AHI1: variants seen among roughly 807,000 people sequenced by gnomAD.
AHI1 encodes the protein jouberin.
A neutral mutation model predicts 149.3 loss-of-function variants in AHI1; 123 were observed. That is an observed-to-expected ratio of 0.82 (90% CI 0.71 to 0.96). The LOEUF (loss-of-function observed/expected upper bound fraction) is 0.96. Ranked by LOEUF, AHI1 falls within the 40% of genes least tolerant of loss-of-function variation. The pLI, the probability that AHI1 is intolerant of heterozygous loss-of-function variation, is 0.00. For synonymous variants in AHI1, 475 were observed against 459.8 expected, an observed-to-expected ratio of 1.03 and a Z score of -0.42; for missense variants, 1,439 against 1,422.7, an observed-to-expected ratio of 1.01 and a Z score of -0.18.
chr6:135,440,602 A>AT (rs1171526336), intron 14 of AHI1, among the ~76,000 whole-genome samples: 4 of 152,224 alleles, frequency 2.6e-5, no homozygotes, highest in South Asian at 4.1e-4. Context: ...AGAGCTGTAG[A>AT]TTGTGTACCG....
intron 23 of AHI1, among the ~76,000 whole-genome samples, chr6:135,364,656 G>GA (rs1773850433): frequency 6.6e-6 from 1 of 152,092 alleles, no homozygotes; most frequent in African/African-American, 2.4e-5. Flanking sequence ...TCGGGAGGCC[G>GA]AGGCTGGCGG....
At chr6:135,337,194 A>G (rs554594657) in intron 24 of AHI1, among the ~76,000 whole-genome samples, 1 of 152,244 alleles carries the variant, frequency 6.6e-6, no homozygotes, top group East Asian at 1.9e-4. Context: ...GCATTTCTTT[A>G]TTAATAATGA....
intron 24 of AHI1, among the ~76,000 whole-genome samples, chr6:135,328,769 T>C (rs1788096359): frequency 6.6e-6 from 1 of 152,142 alleles, no homozygotes. Context: ...AGAAAGCTGA[T>C]AGAAGCAAAA....
At chr6:135,405,520 T>C (rs1780632855) in intron 21 of AHI1, among the ~76,000 whole-genome samples, 1 of 152,070 alleles carries the variant, frequency 6.6e-6, no homozygotes. Context: ...TAAAAGTCGA[T>C]GTATTATGGA....
chr6:135,435,673 CTT>C (rs1785291185), intron 15 of AHI1, among the ~76,000 whole-genome samples: 2 of 152,228 alleles, frequency 1.3e-5, no homozygotes, highest in Middle Eastern at 3.4e-3. Context: ...TGGGTAAAGT[CTT>C]TTAAAAAATT....
intron 27 of AHI1, among the ~76,000 whole-genome samples, chr6:135,297,139 T>A (rs927264602): frequency 6.6e-6 from 1 of 152,168 alleles, no homozygotes; most frequent in Non-Finnish European, 1.5e-5. Flanking sequence ...TACAGACAAA[T>A]AATGTTTGCT....
At chr6:135,451,560 A>G (rs1282613041) in intron 11 of AHI1, among the ~76,000 whole-genome samples, 1 of 152,164 alleles carries the variant, frequency 6.6e-6, no homozygotes, top group African/African-American at 2.4e-5. Context: ...AAGACAGGTA[A>G]GTGTTAGAAG....
chr6:135,428,539 G>A, intron 19 of AHI1, 90 bp downstream of exon 19: 1 of 1,353,912 alleles, frequency 7.4e-7, no homozygotes, highest in Non-Finnish European at 9.6e-7. Context: ...GAATTTCCTT[G>A]AAAATTATTC....
intron 23 of AHI1, among the ~76,000 whole-genome samples, chr6:135,390,169 G>A (rs1778278650): frequency 6.6e-6 from 1 of 152,140 alleles, no homozygotes; most frequent in African/African-American, 2.4e-5. Flanking sequence ...GGTTGAGTGT[G>A]ATCTTGATTC....
At chr6:135,422,913 A>C (rs886111656) in intron 20 of AHI1, among the ~76,000 whole-genome samples, 2 of 152,114 alleles carry the variant, frequency 1.3e-5, no homozygotes, top group South Asian at 4.1e-4. Flanking sequence ...AGGAATATTT[A>C]GCTACTTTTT....
chr6:135,419,864 T>C (rs987152307), intron 20 of AHI1, among the ~76,000 whole-genome samples: 4 of 152,236 alleles, frequency 2.6e-5, no homozygotes, highest in Admixed American at 2.6e-4. Context: ...ACAGAAATTG[T>C]GTCCTCTCAA....
At chr6:135,439,931 A>C (rs1395498595) in intron 14 of AHI1, among the ~76,000 whole-genome samples, 1 of 152,158 alleles carries the variant, frequency 6.6e-6, no homozygotes, top group Non-Finnish European at 1.5e-5. Context: ...AAGCAACAAG[A>C]ACACTGGCAA....
Position 135,427,217 on chromosome 6 carries a change from C to G in AHI1, c.2714G>C (p.Cys905Ser), listed in dbSNP as rs199879855. Residue 905 changes from cysteine to serine, a missense_variant, in exon 20 of 29, where the codon TGT (cysteine) becomes TCT (serine). Coordinates refer to ENST00000265602, the MANE Select transcript of AHI1 (RefSeq NM_001134831.2). ...AATTGGCTCATTTTGCCCAAATGCA[C>G]AGAATGCAACCATATTTTCAAATGG... ...YHPFENMVAFCAFGQNEPILL... is the reference protein window; with the variant it reads ...YHPFENMVAFSAFGQNEPILL... 2.2e-4 allele frequency: 358 copies of G among 1,610,646 alleles called. No homozygotes were observed. The African/African-American group carries it at 4.5e-3, about 20-fold the overall frequency.
In AHI1 at chr6:135,433,157, T is replaced by C. The variant is rs1179695202; in HGVS notation, c.2136A>G (p.Leu712=). Residue 712 remains leucine, a synonymous_variant, in exon 16 of 29, where the codon CTA becomes CTG. Coordinates refer to ENST00000265602, the MANE Select transcript of AHI1 (RefSeq NM_001134831.2). ...TGGAATCATAGCATCCTGTAACTAC[T>C]AGCTCTCTTACAGCTGGATGGAATT... ...TAKFHPAVRE[L]VVTGCYDSMI... The C allele has an allele frequency of 2.5e-6, 4 of 1,612,746 alleles. No homozygotes were observed. The highest frequency in any genetic ancestry group is 2.2e-5 in the East Asian group (1 of 44,814).
chr6:135,424,505 G>T, intron 20 of AHI1, among the ~76,000 whole-genome samples: 1 of 151,890 alleles, frequency 6.6e-6, no homozygotes, highest in East Asian at 1.9e-4. Context: ...TACATTATTT[G>T]TGGTACTCTG....
At chr6:135,490,417 T>C (rs774782668) in intron 5 of AHI1, 7 of 662,418 alleles carry the variant, frequency 1.1e-5, no homozygotes, top group Admixed American at 2.6e-5. Flanking sequence ...GTTCTTCCTG[T>C]AGGACAGCAC....
intron 4 of AHI1, among the ~76,000 whole-genome samples, chr6:135,491,778 T>C (rs190168437): frequency 2.4e-4 from 37 of 152,324 alleles, no homozygotes; most frequent in African/African-American, 7.7e-4. Flanking sequence ...TAAAGATTTA[T>C]TGAAATCAGA....
intron 11 of AHI1, 70 bp from the exon 12 acceptor site, chr6:135,448,545 A>G (rs1003878369): frequency 2.5e-6 from 3 of 1,191,330 alleles, no homozygotes; most frequent in Non-Finnish European, 3.4e-6. Flanking sequence ...GCAATAGCAT[A>G]AAGTCAGAAA....
At chr6:135,465,526 T>C (rs1363067111) in intron 7 of AHI1, among the ~76,000 whole-genome samples, 1 of 152,196 alleles carries the variant, frequency 6.6e-6, no homozygotes, top group Non-Finnish European at 1.5e-5. Context: ...GGGACAAGGA[T>C]CTGGCTCAGC....
Sources: allele counts gnomAD v4.1 joint callset (sites outside exome capture counted in the v4.1 genomes callset), GRCh38; gene constraint gnomAD v4.1.1; transcripts MANE v1.5; gene names NCBI Gene and HGNC (gene_info 2026-07-23, HGNC 2026-07-21).